PLEKHA7: variants seen among roughly 807,000 people sequenced by gnomAD.
PLEKHA7 encodes the protein pleckstrin homology domain containing A7.
PLEKHA7 carries 104 observed loss-of-function variants against 170.0 expected under a neutral mutation model. That is an observed-to-expected ratio of 0.61 (90% CI 0.52 to 0.72). PLEKHA7 has a LOEUF of 0.72. Ranked by LOEUF, PLEKHA7 falls within the 30% of genes least tolerant of loss-of-function variation. The pLI, the probability that PLEKHA7 is intolerant of heterozygous loss-of-function variation, is 0.00. For missense variants in PLEKHA7, 1,615 were observed against 1,671.7 expected (o/e 0.97, Z 0.59); for synonymous variants, 648 against 660.8 (o/e 0.98, Z 0.30).
In PLEKHA7 at chr11:16,789,196, G is replaced by T; in HGVS notation, c.3257C>A (p.Ala1086Asp). Residue 1086 changes from alanine (A) to aspartate (D), a missense_variant, in exon 23 of 27, where the codon GCC becomes GAC. Ala to Asp is a moderately radical substitution (Grantham distance 126). Transcript: ENST00000531066. This position sits in a 1 kb window ranked among gnomAD's most constrained non-coding sequence, Gnocchi z 4.6. ...QLERMKRHQKALVRERKRTLG... is the reference protein window; with the variant it reads ...QLERMKRHQKDLVRERKRTLG... ...TGTCCTCTTGCGCTCTCGGACCAGGGCCTTCTGGTGTCGCTTCATGCGCTC... is the reference window on the plus strand; with the variant it reads ...TGTCCTCTTGCGCTCTCGGACCAGGTCCTTCTGGTGTCGCTTCATGCGCTC... The T allele has an allele frequency of 1.2e-6, 2 of 1,613,240 alleles. No homozygotes were observed. The highest frequency in any genetic ancestry group is 1.7e-6 in the Non-Finnish European group (2 of 1,180,038).
intron 3 of PLEKHA7, among the ~76,000 whole-genome samples, chr11:16,885,128 G>C (rs1470855080): frequency 1.3e-5 from 2 of 152,098 alleles, no homozygotes; most frequent in African/African-American, 2.4e-5. Flanking sequence ...ATCATTTGAG[G>C]TCAGGAGTTC....
chr11:16,820,343 T>C (rs933713944), intron 10 of PLEKHA7, among the ~76,000 whole-genome samples: 6 of 152,236 alleles, frequency 3.9e-5, no homozygotes, highest in Admixed American at 2.6e-4. Flanking sequence ...ACTTAGAAAA[T>C]TGCTGTGAGG....
intron 3 of PLEKHA7, among the ~76,000 whole-genome samples, chr11:16,929,441 A>G (rs756044571): frequency 6.6e-6 from 1 of 152,232 alleles, no homozygotes; most frequent in African/African-American, 2.4e-5. Flanking sequence ...CATATACTGC[A>G]TATACTCTTG....
chr11:16,922,325 C>T (rs1859158136), intron 3 of PLEKHA7, among the ~76,000 whole-genome samples: 2 of 152,192 alleles, frequency 1.3e-5, no homozygotes. Context: ...ATACAATTCT[C>T]ACAATTGTCC....
chr11:16,869,370 A>G (rs554119455), intron 4 of PLEKHA7, among the ~76,000 whole-genome samples: 119 of 152,356 alleles, frequency 7.8e-4, no homozygotes, highest in Non-Finnish European at 1.0e-3. Flanking sequence ...CAGGCCTTGA[A>G]GCCTGGCTAA....
chr11:16,969,147 C>A (rs946838619), intron 3 of PLEKHA7, among the ~76,000 whole-genome samples: 2 of 152,024 alleles, frequency 1.3e-5, no homozygotes, highest in African/African-American at 4.8e-5. Flanking sequence ...TGCTGTCTCA[C>A]TTTCCCATCT....
chr11:16,851,067 T>C, intron 8 of PLEKHA7, 124 bp downstream of exon 8: 1 of 617,886 alleles, frequency 1.6e-6, no homozygotes, highest in Non-Finnish European at 2.7e-6. Context: ...ACAACTTTGT[T>C]AACCGGAATC....
chr11:16,965,174 T>C lies in PLEKHA7; in HGVS notation c.221+48815A>G, dbSNP rs57950926. Among the ~76,000 whole-genome samples the C allele has an allele frequency of 7.9e-3, 1,198 of 151,184 alleles. 17 individuals carry two copies. Among genetic ancestry groups the C allele is most frequent in the African/African-American group, 0.027 (1,115 of 41,172 alleles). ...ATATACAAAAAAAAACCCAAAAACATAAGTCAGGTGTGGTAGCGCGTGCCT... is the reference window on the plus strand; with the variant it reads ...ATATACAAAAAAAAACCCAAAAACACAAGTCAGGTGTGGTAGCGCGTGCCT... On this transcript the variant is annotated intron_variant, in intron 3 of 26. Coordinates refer to ENST00000531066, the MANE Select transcript of PLEKHA7 (RefSeq NM_001329630.2).
intron 3 of PLEKHA7, among the ~76,000 whole-genome samples, chr11:16,885,778 G>A (rs1321033122): frequency 1.3e-5 from 2 of 151,948 alleles, no homozygotes; most frequent in African/African-American, 4.8e-5. Context: ...CGGATCACTT[G>A]AGGTCAGGAG....
intron 4 of PLEKHA7, among the ~76,000 whole-genome samples, chr11:16,856,453 C>T (rs758438599): frequency 6.6e-6 from 1 of 152,162 alleles, no homozygotes; most frequent in Non-Finnish European, 1.5e-5. Flanking sequence ...AACAAAGAGT[C>T]CTATTCTAGG....
chr11:16,896,974 C>G (rs1857033282), intron 3 of PLEKHA7, among the ~76,000 whole-genome samples: 1 of 152,184 alleles, frequency 6.6e-6, no homozygotes, highest in African/African-American at 2.4e-5. Context: ...TGTGCTTACC[C>G]TGCTTCTCTG....
At chr11:16,815,269 G>A (rs1300631867) in intron 12 of PLEKHA7, 1 of 152,726 alleles carries the variant, frequency 6.5e-6, no homozygotes, top group Non-Finnish European at 1.5e-5. Context: ...CCTTAACCGG[G>A]TGAGAAGCAA....
intron 9 of PLEKHA7, among the ~76,000 whole-genome samples, chr11:16,831,362 G>A (rs150633296): frequency 3.5e-4 from 54 of 152,176 alleles, no homozygotes; most frequent in African/African-American, 9.9e-4. Context: ...TGTGACACTT[G>A]TCACAAAACA....
In PLEKHA7 at chr11:16,925,752, A is replaced by T. The variant is rs1354759426; in HGVS notation, c.222-54570T>A. Among the ~76,000 whole-genome samples, 2 of 152,178 alleles carry T rather than the reference A, an allele frequency of 1.3e-5. 1 individual carries two copies. Among genetic ancestry groups the T allele is most frequent in the Non-Finnish European group, 2.9e-5 (2 of 68,028 alleles). ...TCCGAGGAGCCCACACCCACTTGACATCAGCACCGATCAAAGCACGTGGCG... is the reference window on the plus strand; with the variant it reads ...TCCGAGGAGCCCACACCCACTTGACTTCAGCACCGATCAAAGCACGTGGCG... On this transcript the variant is annotated intron_variant, in intron 3 of 26. Transcript: ENST00000531066.
intron 10 of PLEKHA7, among the ~76,000 whole-genome samples, chr11:16,819,396 C>G (rs1850039966): frequency 6.6e-6 from 1 of 152,182 alleles, no homozygotes; most frequent in Admixed American, 6.5e-5. Context: ...CCGCACCCAG[C>G]CTCCAACTTA....
rs61192159 is a variant in PLEKHA7 at position 16,948,290 on chromosome 11, G to A, written c.221+65699C>T. Among the ~76,000 whole-genome samples the A allele has an allele frequency of 9.5e-3, 1,447 of 152,174 alleles. 25 individuals are homozygous for A. The highest frequency in any genetic ancestry group is 0.031 in the African/African-American group (1,276 of 41,516). On this transcript the variant is annotated intron_variant, in intron 3 of 26. Coordinates refer to ENST00000531066, the MANE Select transcript of PLEKHA7 (RefSeq NM_001329630.2). ...TGAGTACAGTAAATAACAATATATCGTATACTCAAAAATTGCTGATAGATT... is the reference window on the plus strand; with the variant it reads ...TGAGTACAGTAAATAACAATATATCATATACTCAAAAATTGCTGATAGATT...
At chr11:16,920,757 T>A (rs772948522) in intron 3 of PLEKHA7, among the ~76,000 whole-genome samples, 1 of 152,204 alleles carries the variant, frequency 6.6e-6, no homozygotes, top group Non-Finnish European at 1.5e-5. Context: ...ACCAGCAGGC[T>A]GCTACAGGAG....
chr11:16,840,061 T>A (rs993571652), intron 9 of PLEKHA7, among the ~76,000 whole-genome samples: 1 of 151,926 alleles, frequency 6.6e-6, no homozygotes, highest in Non-Finnish European at 1.5e-5. Flanking sequence ...ATGGAAACAA[T>A]AGAAAAATGC....
intron 4 of PLEKHA7, among the ~76,000 whole-genome samples, chr11:16,866,346 C>A (rs1854390227): frequency 6.6e-6 from 1 of 150,848 alleles, no homozygotes. Context: ...AATCCCAGCA[C>A]TTTGGGAGGC....
Sources: allele counts gnomAD v4.1 joint callset (sites outside exome capture counted in the v4.1 genomes callset), GRCh38; gene constraint gnomAD v4.1.1; non-coding constraint Gnocchi (gnomAD v3.1); transcripts MANE v1.5; gene names NCBI Gene and HGNC (gene_info 2026-07-23, HGNC 2026-07-21).